LRP1: variants seen among roughly 807,000 people sequenced by gnomAD.
LRP1 encodes the protein prolow-density lipoprotein receptor-related protein 1.
Under a neutral mutation model 541.5 loss-of-function variants are expected in LRP1, and 51 were observed. That is an observed-to-expected ratio of 0.09 (90% CI 0.08 to 0.12). The LOEUF is 0.12. Among genes scored for constraint, LRP1 ranks in the 10% least tolerant of loss-of-function variants. LRP1 has a pLI of 1.00. For synonymous variants in LRP1, 2,219 were observed against 2,470.8 expected, an observed-to-expected ratio of 0.90 and a Z score of 3.02; for missense variants, 3,878 against 6,376.2, an observed-to-expected ratio of 0.61 and a Z score of 13.34.
intron 6 of LRP1, among the ~76,000 whole-genome samples, chr12:57,153,558 A>G (rs1372736728): frequency 2.0e-5 from 3 of 152,094 alleles, no homozygotes; most frequent in African/African-American, 7.2e-5. Flanking sequence ...GACCCTCCCC[A>G]GGACATGAGG....
At chr12:57,167,174 T>G in intron 18 of LRP1, 128 bp downstream of exon 18, 2 of 754,716 alleles carry the variant, frequency 2.7e-6, no homozygotes, top group Admixed American at 4.3e-5. Context: ...TTAATCTCGG[T>G]GGCCTCTGTG....
At position 57,154,867 on chromosome 12, in the gene LRP1, G is replaced by A; in HGVS notation, c.1227+166G>A. The A allele has an allele frequency of 1.5e-6, 1 of 662,018 alleles. No individual in the cohort carries two copies. The highest frequency in any genetic ancestry group is 1.7e-5 in the South Asian group (1 of 58,832). The allele number at this position is 662,018 out of a possible 1,614,324, so 41.0% of individuals were successfully genotyped here. A position where few individuals can be genotyped will look rare whatever the true frequency, so the allele number is the denominator to read the frequency against. On this transcript the variant is annotated intron_variant, in intron 8 of 88. Coordinates refer to ENST00000243077, the MANE Select transcript of LRP1 (RefSeq NM_002332.3). This position sits in a 1 kb window ranked among gnomAD's most constrained non-coding sequence, Gnocchi z 4.6. The stretch of plus-strand genomic sequence containing the variant: ...GGTGGGCTTGAATACTGCAGAGAAA[G>A]GACAAGATACGGGTTCCACTGTGAT...
intron 51 of LRP1, 27 bp from the exon 52 acceptor site, chr12:57,195,244 T>A: frequency 6.2e-7 from 1 of 1,610,102 alleles, no homozygotes; most frequent in Non-Finnish European, 8.5e-7. Flanking sequence ...CTCCTAAGTC[T>A]CTCAGTGGCC....
chr12:57,208,969 G>A (rs905646385), intron 78 of LRP1, 114 bp from the exon 79 acceptor site: 1 of 1,055,146 alleles, frequency 9.5e-7, no homozygotes, highest in African/African-American at 1.6e-5. Flanking sequence ...CGAAAGAGGT[G>A]ACTGTGAGTG....
chr12:57,193,844 C>G, intron 47 of LRP1, 55 bp from the exon 48 acceptor site: 1 of 1,594,906 alleles, frequency 6.3e-7, no homozygotes, highest in Non-Finnish European at 8.6e-7. Flanking sequence ...CTGCGTCCTT[C>G]TGGCCCCCAC....
chr12:57,191,905 CACACCACCACACACACTACACAT>C (rs2036404912), intron 44 of LRP1, among the ~76,000 whole-genome samples: 1 of 52,460 alleles, frequency 1.9e-5, no homozygotes, highest in Non-Finnish European at 3.5e-5. Flanking sequence ...ACCACATACA[CACACCACCACACACACTACACAT>C]ACCACACACA....
chr12:57,160,082 G>A (rs1253285317), intron 12 of LRP1, 77 bp downstream of exon 12: 9 of 1,435,662 alleles, frequency 6.3e-6, no homozygotes, highest in Non-Finnish European at 8.7e-6. Flanking sequence ...GAAATGGACA[G>A]GGAAGCAGGG....
chr12:57,148,605 G>A (rs754455365), intron 6 of LRP1, among the ~76,000 whole-genome samples: 5 of 152,168 alleles, frequency 3.3e-5, no homozygotes, highest in Non-Finnish European at 7.3e-5. Flanking sequence ...CCTCTGATCT[G>A]TATTCCCTTC....
rs1264559261 is a variant in LRP1, at chr12:57,173,740, G to T, written c.3347-40G>T. On this transcript the variant is annotated intron_variant, in intron 21 of 88. Transcript: ENST00000243077. This position sits in a 1 kb window ranked among gnomAD's most constrained non-coding sequence, Gnocchi z 4.7. Reference sequence around the variant, plus strand: ...GGAAGGAAGGGCAGGGGGAGCCCCAGTCCCCGGGCCTGGGCCCTCATAGTG... The same window carrying T: ...GGAAGGAAGGGCAGGGGGAGCCCCATTCCCCGGGCCTGGGCCCTCATAGTG... 1.9e-6 allele frequency: 3 copies of T among 1,607,116 alleles called. No individual in the cohort carries two copies. In the East Asian group the frequency reaches 6.7e-5, roughly 36 times the overall value.
intron 44 of LRP1, among the ~76,000 whole-genome samples, chr12:57,192,098 CCACACA>C (rs68003748): frequency 6.9e-6 from 1 of 145,360 alleles, no homozygotes; most frequent in Admixed American, 6.8e-5. Flanking sequence ...CACAAACATG[CCACACA>C]CACACACACA....
intron 61 of LRP1, 85 bp downstream of exon 61, chr12:57,199,485 T>A: frequency 7.0e-7 from 1 of 1,433,100 alleles, no homozygotes; most frequent in Non-Finnish European, 9.6e-7. Flanking sequence ...TTCTCTAGCA[T>A]TGACCAAGCC....
intron 52 of LRP1, 50 bp from the exon 53 acceptor site, chr12:57,195,608 C>T (rs749123084): frequency 1.1e-5 from 17 of 1,612,760 alleles, no homozygotes; most frequent in Admixed American, 3.3e-5. Flanking sequence ...GAGGGACGGT[C>T]GGCCGCTGGC....
intron 68 of LRP1, 44 bp downstream of exon 68, chr12:57,202,581 C>T (rs1023792554): frequency 2.0e-5 from 29 of 1,461,824 alleles, no homozygotes; most frequent in Non-Finnish European, 2.6e-5. Flanking sequence ...CCTCCCAGGC[C>T]TGGCCCTTGT....
intron 11 of LRP1, 68 bp from the exon 12 acceptor site, chr12:57,159,757 G>C: frequency 6.5e-7 from 1 of 1,537,792 alleles, no homozygotes; most frequent in Admixed American, 1.7e-5. Flanking sequence ...GAGTCCGGGA[G>C]GGCCAGAGGC....
Position 57,162,742 on chromosome 12 carries a change from C to A in LRP1, c.2405-116C>A. ...CCTGTTCTTCAACATGATCTTCTTC[C>A]TCTCCATATTTCCTCTTTCTGTCCC... On this transcript the variant is annotated intron_variant, in intron 14 of 88. Transcript: ENST00000243077. This position sits in a 1 kb window ranked among gnomAD's most constrained non-coding sequence, Gnocchi z 5.2. The A allele has an allele frequency of 8.2e-7, 1 of 1,220,300 alleles. No homozygotes were observed. The highest frequency in any genetic ancestry group is 1.1e-6 in the Non-Finnish European group (1 of 876,350). 75.6% of individuals were successfully genotyped at this position (1,220,300 alleles called of 1,614,324 possible).
In LRP1 at chr12:57,210,719, C is replaced by G; in HGVS notation, c.12756C>G (p.Gly4252=). The change falls in exon 83 of 89, where the codon GGC becomes GGG. Residue 4252 remains glycine, a splice_region_variant and synonymous_variant. Transcript: ENST00000243077. ...CGCTCACACATCCTCTCCCACCAGG[C>G]ATGCCCACGTGCCGGTGCCCCACGG... is the stretch of plus-strand genomic sequence containing the variant. ...NGGTCAASPS[G]MPTCRCPTGF... is the part of the protein sequence containing the mutation. The G allele has an allele frequency of 6.2e-7, 1 of 1,607,834 alleles. No homozygotes were observed. The highest frequency in any genetic ancestry group is 8.5e-7 in the Non-Finnish European group (1 of 1,175,422).
At position 57,196,154 on chromosome 12, in the gene LRP1, C is replaced by G; in HGVS notation, c.8769C>G (p.Leu2923=). 1.9e-6 allele frequency: 3 copies of G among 1,612,756 alleles called. No homozygotes were observed. Among genetic ancestry groups the G allele is most frequent in the Non-Finnish European group, 2.5e-6 (3 of 1,179,328 alleles). ...SSGRCVAEAL[L]CNGQDDCGDS... ...GGCGCTGTGTGGCTGAGGCACTGCT[C>G]TGCAACGGCCAGGATGACTGTGGCG... The change falls in exon 55 of 89, where the codon CTC becomes CTG. Residue 2923 remains leucine (L), a synonymous_variant. Coordinates refer to ENST00000243077, the MANE Select transcript of LRP1 (RefSeq NM_002332.3).
chr12:57,134,134 G>A (rs1368860998), intron 1 of LRP1, among the ~76,000 whole-genome samples: 1 of 152,182 alleles, frequency 6.6e-6, no homozygotes, highest in Admixed American at 6.5e-5. Context: ...CCTGGGTTTG[G>A]GGGGGTGGGG....
rs373888576 is a variant in LRP1 at position 57,134,707 on chromosome 12, C to CT, written c.68-3742dup. On this transcript the variant is annotated intron_variant, in intron 1 of 88. Coordinates refer to ENST00000243077, the MANE Select transcript of LRP1 (RefSeq NM_002332.3). ...CCCATCTGGTTTCCTTTCTTTCTTT[C>CT]TTTTTTTTTTCTTTTGAGATGGAAT... is the stretch of plus-strand genomic sequence containing the variant. Among the ~76,000 whole-genome samples, 86 of 148,806 alleles carry CT rather than the reference C, an allele frequency of 5.8e-4. No homozygotes were observed. The South Asian group carries it at 0.012, about 21-fold the overall frequency.
Sources: allele counts gnomAD v4.1 joint callset (sites outside exome capture counted in the v4.1 genomes callset), GRCh38; gene constraint gnomAD v4.1.1; non-coding constraint Gnocchi (gnomAD v3.1); transcripts MANE v1.5; gene names NCBI Gene and HGNC (gene_info 2026-07-23, HGNC 2026-07-21).